Variants in CTNNBL1 observed in about 807,000 individuals in gnomAD.
CTNNBL1 encodes the protein beta-catenin-like protein 1.
Under a neutral mutation model 72.7 loss-of-function variants are expected in CTNNBL1, and 31 were observed. The ratio of observed to expected loss-of-function variants is 0.43; its 90% CI spans 0.32 to 0.58. CTNNBL1 has a LOEUF of 0.58. CTNNBL1 is among the 20% of genes least tolerant of loss of function. The pLI, the probability that CTNNBL1 is intolerant of heterozygous loss-of-function variation, is 0.08. For missense variants in CTNNBL1, 534 were observed against 725.1 expected (o/e 0.74, Z 3.03); for synonymous variants, 240 against 267.3 (o/e 0.90, Z 1.00).
At chr20:37,694,218 C>CCCTTTCAT (rs2072768682) in intron 1 of CTNNBL1, 66 bp downstream of exon 1, 2 of 1,417,020 alleles carry the variant, frequency 1.4e-6, no homozygotes, top group South Asian at 2.7e-5. Flanking sequence ...GGAGCCAGAG[C>CCCTTTCAT]CCTTTCATCT....
chr20:37,846,545 T>G (rs1179104777), intron 13 of CTNNBL1, among the ~76,000 whole-genome samples: 1 of 152,160 alleles, frequency 6.6e-6, no homozygotes, highest in Non-Finnish European at 1.5e-5. Context: ...GAAAGCTGCT[T>G]GCACAGGGCC....
chr20:37,752,418 TA>T (rs2073327613), intron 4 of CTNNBL1, among the ~76,000 whole-genome samples: 1 of 152,186 alleles, frequency 6.6e-6, no homozygotes, highest in South Asian at 2.1e-4. Context: ...GTCTAGAAAT[TA>T]AAGAAAAGAT....
chr20:37,860,037 G>A lies in CTNNBL1; in HGVS notation c.1530+1G>A, dbSNP rs776765295. ...GATCTGCAATGCCAATGTCCCCCAG[G>A]TAGGAGGGTCTTCCCCTGGATGGGC... On this transcript the variant is annotated splice_donor_variant, in intron 14 of 15. Transcript: ENST00000361383. LOFTEE classifies it high-confidence loss of function. The A allele has an allele frequency of 6.2e-7, 1 of 1,614,050 alleles. No homozygotes were observed. Among genetic ancestry groups the A allele is most frequent in the South Asian group, 1.1e-5 (1 of 91,066 alleles).
At chr20:37,780,471 A>G (rs2073616576) in intron 10 of CTNNBL1, among the ~76,000 whole-genome samples, 1 of 152,246 alleles carries the variant, frequency 6.6e-6, no homozygotes, top group East Asian at 1.9e-4. Context: ...CTTTTTTTCT[A>G]TAATTTTTAA....
intron 1 of CTNNBL1, among the ~76,000 whole-genome samples, chr20:37,709,751 G>A (rs139307483): frequency 0.012 from 1,898 of 152,294 alleles, 17 homozygotes; most frequent in Middle Eastern, 0.024. Context: ...AAGACATTGC[G>A]ATTGATTGAG....
intron 11 of CTNNBL1, among the ~76,000 whole-genome samples, chr20:37,836,793 C>G (rs1278710716): frequency 6.6e-6 from 1 of 152,146 alleles, no homozygotes; most frequent in Non-Finnish European, 1.5e-5. Flanking sequence ...CACCAATTAG[C>G]TCTGTGGACA....
intron 10 of CTNNBL1, among the ~76,000 whole-genome samples, chr20:37,790,704 G>A (rs924067928): frequency 1.3e-5 from 2 of 152,134 alleles, no homozygotes; most frequent in Non-Finnish European, 2.9e-5. Context: ...CAAGATTACC[G>A]GGCAGGAAGT....
Position 37,777,399 on chromosome 20 carries a change from T to C in CTNNBL1, c.805T>C (p.Leu269=). ...KLYCSEVLAI[L]LQDNDENREL... ...GTATTGCAGTGAAGTGCTGGCCATA[T>C]TGCTCCAGGACAATGATGGTGAGGC... The change falls in exon 8 of 16, where the codon TTG becomes CTG. Residue 269 remains leucine, a synonymous_variant. Coordinates refer to ENST00000361383, the MANE Select transcript of CTNNBL1 (RefSeq NM_030877.5). 3 of 1,613,956 alleles carry C rather than the reference T, an allele frequency of 1.9e-6. No homozygotes were observed. The highest frequency in any genetic ancestry group is 2.5e-6 in the Non-Finnish European group (3 of 1,179,814).
At chr20:37,838,988 T>G (rs1484686737) in intron 11 of CTNNBL1, among the ~76,000 whole-genome samples, 1 of 152,190 alleles carries the variant, frequency 6.6e-6, no homozygotes, top group Admixed American at 6.5e-5. Context: ...AGGACTGACC[T>G]ATAGGTTCAA....
intron 10 of CTNNBL1, among the ~76,000 whole-genome samples, chr20:37,795,804 T>C (rs1040347770): frequency 8.5e-5 from 13 of 152,212 alleles, no homozygotes; most frequent in Admixed American, 8.5e-4. Context: ...TACTGATGAT[T>C]TTTTTTCTCC....
chr20:37,823,210 A>G (rs1339968470), intron 11 of CTNNBL1, among the ~76,000 whole-genome samples: 1 of 152,186 alleles, frequency 6.6e-6, no homozygotes, highest in East Asian at 1.9e-4. Context: ...CTGTTTTTCC[A>G]GTAGTCTCTG....
chr20:37,839,373 T>G (rs2122810478), intron 11 of CTNNBL1, among the ~76,000 whole-genome samples: 2 of 152,350 alleles, frequency 1.3e-5, no homozygotes, highest in Admixed American at 1.3e-4. Context: ...GAGTAGACTT[T>G]TGTCACCTGC....
At chr20:37,808,055 G>C (rs2071975099) in intron 11 of CTNNBL1, among the ~76,000 whole-genome samples, 2 of 152,218 alleles carry the variant, frequency 1.3e-5, no homozygotes, top group Non-Finnish European at 2.9e-5. Flanking sequence ...TTTTAACACA[G>C]TTCCCCTGGA....
intron 1 of CTNNBL1, among the ~76,000 whole-genome samples, chr20:37,698,386 C>G (rs1425469893): frequency 2.0e-5 from 3 of 152,180 alleles, no homozygotes; most frequent in African/African-American, 7.2e-5. Flanking sequence ...AGGTGAGAGG[C>G]CCACCCGTTA....
intron 13 of CTNNBL1, among the ~76,000 whole-genome samples, chr20:37,857,248 C>G (rs549758086): frequency 6.6e-6 from 1 of 152,192 alleles, no homozygotes; most frequent in Middle Eastern, 3.2e-3. Context: ...ATGACTACCT[C>G]GTGAACATTA....
intron 13 of CTNNBL1, among the ~76,000 whole-genome samples, chr20:37,857,087 G>T (rs8123046): frequency 0.06 from 9,105 of 152,162 alleles, 912 homozygotes; most frequent in African/African-American, 0.21. Flanking sequence ...TCATACAGTG[G>T]GATGAATAAT....
At chr20:37,757,710 C>A in intron 5 of CTNNBL1, 54 bp downstream of exon 5, 2 of 1,352,334 alleles carry the variant, frequency 1.5e-6, no homozygotes, top group Non-Finnish European at 2.1e-6. Flanking sequence ...GTTGGCATTG[C>A]CACCACCATC....
At chr20:37,755,274 C>T (rs1176309146) in intron 4 of CTNNBL1, among the ~76,000 whole-genome samples, 1 of 152,194 alleles carries the variant, frequency 6.6e-6, no homozygotes, top group Non-Finnish European at 1.5e-5. Context: ...AGAGGGAGAA[C>T]TACTAATTCC....
Position 37,871,999 on chromosome 20 carries a change from C to T in CTNNBL1, c.1678C>T (p.Leu560=). The T allele has an allele frequency of 1.9e-6, 3 of 1,614,046 alleles. No homozygotes were observed. Among genetic ancestry groups the T allele is most frequent in the Non-Finnish European group, 2.5e-6 (3 of 1,179,906 alleles). Residue 560 remains leucine, a synonymous_variant, in exon 16 of 16, where the codon CTG becomes TTG. Coordinates refer to ENST00000361383, the MANE Select transcript of CTNNBL1 (RefSeq NM_030877.5). ...ENEQKRILGL[L]ENF ...CGAGCAAAAGCGCATCCTGGGCTTGCTGGAGAACTTCTAGAGGCACCTTGG... is the reference window on the plus strand; with the variant it reads ...CGAGCAAAAGCGCATCCTGGGCTTGTTGGAGAACTTCTAGAGGCACCTTGG...
Sources: allele counts gnomAD v4.1 joint callset (sites outside exome capture counted in the v4.1 genomes callset), GRCh38; gene constraint gnomAD v4.1.1; transcripts MANE v1.5; gene names NCBI Gene and HGNC (gene_info 2026-07-23, HGNC 2026-07-21).